The following CNR2 variants were observed in gnomAD, a reference collection of about 807,000 sequenced individuals.
CNR2 encodes cannabinoid receptor 2, also known as cannabinoid receptor 2 (macrophage).
For missense variants in CNR2, 379 were observed against 439.9 expected (o/e 0.86, Z 1.24); for synonymous variants, 172 against 182.2 (o/e 0.94, Z 0.45).
chr1:23,903,557 AGT>A (rs1640438712), intron 1 of CNR2, among the ~76,000 whole-genome samples: 1 of 139,008 alleles, frequency 7.2e-6, no homozygotes, highest in East Asian at 2.1e-4. Context: ...TGGGTGACAG[AGT>A]GAGACCCCAG....
At chr1:23,878,627 C>A (rs540752091) in intron 1 of CNR2, among the ~76,000 whole-genome samples, 7 of 152,140 alleles carry the variant, frequency 4.6e-5, no homozygotes, top group Non-Finnish European at 1.0e-4. Context: ...GATATGCCCA[C>A]CTCGGCCTCC....
At chr1:23,892,835 G>T (rs563836396) in intron 1 of CNR2, among the ~76,000 whole-genome samples, 1 of 152,248 alleles carries the variant, frequency 6.6e-6, no homozygotes, top group African/African-American at 2.4e-5. Context: ...GGCCAACATG[G>T]TGAAACCCTG....
intron 1 of CNR2, among the ~76,000 whole-genome samples, chr1:23,890,806 G>T (rs1640177667): frequency 6.7e-6 from 1 of 150,056 alleles, no homozygotes; most frequent in Non-Finnish European, 1.5e-5. Flanking sequence ...AGCTGGCTGG[G>T]CCCCTGCTGC....
At chr1:23,900,904 T>C (rs1640387953) in intron 1 of CNR2, among the ~76,000 whole-genome samples, 1 of 152,176 alleles carries the variant, frequency 6.6e-6, no homozygotes, top group Non-Finnish European at 1.5e-5. Flanking sequence ...GATCCTCGAA[T>C]GCTGGGGGAG....
At chr1:23,911,468 G>A (rs538617545) in intron 1 of CNR2, among the ~76,000 whole-genome samples, 2 of 152,224 alleles carry the variant, frequency 1.3e-5, no homozygotes, top group East Asian at 1.9e-4. Flanking sequence ...CCTCCCTCAC[G>A]CTTATGTTCT....
At chr1:23,901,720 G>T (rs1640402835) in intron 1 of CNR2, 2 of 1,401,094 alleles carry the variant, frequency 1.4e-6, no homozygotes, top group Non-Finnish European at 2.0e-6. Flanking sequence ...ACATGAATTT[G>T]GTCAGATTCT....
At position 23,875,156 on chromosome 1, in the gene CNR2, C is replaced by G. The variant is rs1269752292; in HGVS notation, c.462G>C (p.Leu154=). The change falls in exon 2 of 2, where the codon CTG becomes CTC. Residue 154 remains leucine (L), a synonymous_variant. Coordinates refer to ENST00000374472, the MANE Select transcript of CNR2 (RefSeq NM_001841.3). Reference sequence around the variant, plus strand: ...GTGCTGAGAGGACCCACATGATGCCCAGGGTCACCAGTGCCCTTCCACGGG... The same window carrying G: ...GTGCTGAGAGGACCCACATGATGCCGAGGGTCACCAGTGCCCTTCCACGGG... ...LLTRGRALVT[L]GIMWVLSALV... is the part of the protein sequence containing the mutation. The G allele has an allele frequency of 6.2e-7, 1 of 1,613,632 alleles. No individual in the cohort carries two copies.
intron 1 of CNR2, among the ~76,000 whole-genome samples, chr1:23,887,663 G>A (rs112727102): frequency 1.1e-4 from 16 of 152,096 alleles, no homozygotes; most frequent in African/African-American, 3.9e-4. Context: ...TTCTAGACAG[G>A]GCCTTTTTCC....
chr1:23,906,902 A>G (rs1640494275), intron 1 of CNR2, among the ~76,000 whole-genome samples: 1 of 151,814 alleles, frequency 6.6e-6, no homozygotes, highest in Non-Finnish European at 1.5e-5. Context: ...AAAAAAAAAA[A>G]AAAGAAAAAA....
At chr1:23,878,256 T>C (rs1639923370) in intron 1 of CNR2, among the ~76,000 whole-genome samples, 1 of 151,762 alleles carries the variant, frequency 6.6e-6, no homozygotes, top group African/African-American at 2.4e-5. Context: ...CTCAGCTACT[T>C]GGGAGGCTGA....
chr1:23,890,692 C>T (rs113912490), intron 1 of CNR2, among the ~76,000 whole-genome samples: 1,668 of 150,952 alleles, frequency 0.011, 41 homozygotes, highest in African/African-American at 0.038. Flanking sequence ...TTGCAGTGAG[C>T]CGAGATCGCG....
Position 23,871,177 on chromosome 1 carries a change from A to AAAAAAAAAAAAC in CNR2, c.*3357_*3358insGTTTTTTTTTTT. 6.7e-6 allele frequency: 1 copy of AAAAAAAAAAAAC among 150,328 alleles called. No individual in the cohort carries two copies. Among genetic ancestry groups the AAAAAAAAAAAAC allele is most frequent in the Non-Finnish European group, 1.5e-5 (1 of 67,862 alleles). The allele number at this position is 150,328 out of a possible 1,614,324, so 9.3% of individuals were successfully genotyped here. A position where few individuals can be genotyped will look rare whatever the true frequency, so the allele number is the denominator to read the frequency against. On this transcript the variant is annotated 3_prime_UTR_variant, in exon 2 of 2. Transcript: ENST00000374472. ...GTCAAAAAAAAAAAAAAAAAAAAAA[A>AAAAAAAAAAAAC]AAGCAGAAATACAGTGTGGTTCTAA... is the stretch of plus-strand genomic sequence containing the variant.
At chr1:23,902,588 G>C (rs1432142205) in intron 1 of CNR2, 2 of 1,606,296 alleles carry the variant, frequency 1.2e-6, no homozygotes, top group African/African-American at 2.7e-5. Flanking sequence ...GGTCCCAGTA[G>C]AACATGGCAT....
chr1:23,901,780 A>G (rs1316183935), intron 1 of CNR2: 5 of 1,514,302 alleles, frequency 3.3e-6, no homozygotes. Flanking sequence ...CGCTGTACTC[A>G]GCCTTCCCAG....
chr1:23,896,105 C>T (rs1313721477), intron 1 of CNR2, among the ~76,000 whole-genome samples: 2 of 152,062 alleles, frequency 1.3e-5, no homozygotes, highest in Non-Finnish European at 2.9e-5. Flanking sequence ...CTTAAGTGAT[C>T]CTCCCGCCTT....
chr1:23,886,111 C>G (rs1157392925), intron 1 of CNR2, among the ~76,000 whole-genome samples: 4 of 149,920 alleles, frequency 2.7e-5, no homozygotes, highest in Admixed American at 6.7e-5. Context: ...ATCACTTGAA[C>G]CTGGGAGGCA....
intron 1 of CNR2, among the ~76,000 whole-genome samples, chr1:23,898,954 G>A (rs1018488033): frequency 1.3e-5 from 2 of 152,040 alleles, no homozygotes; most frequent in Admixed American, 6.6e-5. Context: ...CACCTGGCCC[G>A]TACTATATAT....
intron 1 of CNR2, among the ~76,000 whole-genome samples, chr1:23,882,088 AT>A (rs201048289): frequency 6.6e-6 from 1 of 151,454 alleles, no homozygotes; most frequent in Non-Finnish European, 1.5e-5. Flanking sequence ...CGACCAGCTA[AT>A]TTTTTGTATT....
chr1:23,874,299 T>C lies in CNR2; in HGVS notation c.*236A>G. 2.0e-6 allele frequency: 1 copy of C among 496,032 alleles called. No homozygotes were observed. 30.7% of individuals were successfully genotyped at this position (496,032 alleles called of 1,614,324 possible). A position where few individuals can be genotyped will look rare whatever the true frequency, so the allele number is the denominator to read the frequency against. ...TGTACTGACCCTGTCCCAGGCCTTT[T>C]GTGTCTCGCCTACCTGGCTACTCCT... On this transcript the variant is annotated 3_prime_UTR_variant, in exon 2 of 2. Transcript: ENST00000374472.
Sources: allele counts gnomAD v4.1 joint callset (sites outside exome capture counted in the v4.1 genomes callset), GRCh38; gene constraint gnomAD v4.1.1; transcripts MANE v1.5; gene names NCBI Gene and HGNC (gene_info 2026-07-23, HGNC 2026-07-21).